Variants in ARHGAP6 observed in about 807,000 individuals in gnomAD.
ARHGAP6 encodes the protein rho GTPase-activating protein 6.
In ARHGAP6, 16 loss-of-function variants were observed where a neutral mutation model predicts 55.7. The ratio of observed to expected loss-of-function variants is 0.29; its 90% CI spans 0.19 to 0.44. The LOEUF (loss-of-function observed/expected upper bound fraction) is 0.44, where lower values mean the gene tolerates loss of function less well. Ranked by LOEUF, ARHGAP6 falls within the 20% of genes least tolerant of loss-of-function variation. The pLI is 1.00. For synonymous variants in ARHGAP6, 382 were observed against 360.9 expected, an observed-to-expected ratio of 1.06 and a Z score of -0.66; for missense variants, 698 against 808.9, an observed-to-expected ratio of 0.86 and a Z score of 1.66.
At chrX:11,239,122 C>T (rs1013475951) in intron 2 of ARHGAP6, among the ~76,000 whole-genome samples, 2 of 110,759 alleles carry the variant, frequency 1.8e-5, no homozygotes, top group Non-Finnish European at 3.8e-5. Flanking sequence ...CAAGGTAATA[C>T]ATTTATGGTA....
rs201712958 is a variant in ARHGAP6, at chrX:11,208,053, CAT to C, written c.749-11059_749-11058del. On this transcript the variant is annotated intron_variant, in intron 2 of 12. Coordinates refer to ENST00000337414, the MANE Select transcript of ARHGAP6 (RefSeq NM_013427.3). The stretch of plus-strand genomic sequence containing the variant: ...TTAAGTACTGAATAATTGAAAGAAA[CAT>C]GTGTTGTTGCAGGTTGTTGAGAAAC... Among the ~76,000 whole-genome samples the C allele has an allele frequency of 5.4e-3, 602 of 111,961 alleles. 13 individuals are homozygous for C. The highest frequency in any genetic ancestry group is 0.018 in the African/African-American group (561 of 30,805).
intron 1 of ARHGAP6, among the ~76,000 whole-genome samples, chrX:11,434,538 C>A (rs1013305886): frequency 9.0e-6 from 1 of 110,880 alleles, no homozygotes; most frequent in Non-Finnish European, 1.9e-5. Context: ...CCTAAAAAAA[C>A]CACTTTTATA....
intron 1 of ARHGAP6, among the ~76,000 whole-genome samples, chrX:11,445,615 A>G (rs147369523): frequency 3.1e-4 from 35 of 112,144 alleles, no homozygotes; most frequent in African/African-American, 1.0e-3. Flanking sequence ...AATGATATCA[A>G]ATCTGGAACT....
intron 1 of ARHGAP6, among the ~76,000 whole-genome samples, chrX:11,624,570 CT>C (rs1169850882): frequency 8.9e-6 from 1 of 112,545 alleles, no homozygotes; most frequent in East Asian, 2.8e-4. Context: ...ATCTGAATTT[CT>C]TTTTTTCTTT....
chrX:11,285,357 T>C (rs997310154), intron 1 of ARHGAP6, among the ~76,000 whole-genome samples: 3 of 111,476 alleles, frequency 2.7e-5, no homozygotes, highest in African/African-American at 9.8e-5. Flanking sequence ...TATTTTAAAA[T>C]AAATGTAAGT....
At chrX:11,511,205 T>C in intron 1 of ARHGAP6, among the ~76,000 whole-genome samples, 1 of 112,423 alleles carries the variant, frequency 8.9e-6, no homozygotes, top group Middle Eastern at 4.6e-3. Context: ...CCTGCTATTG[T>C]ATCATATTGC....
intron 1 of ARHGAP6, among the ~76,000 whole-genome samples, chrX:11,615,108 T>C (rs758476906): frequency 1.8e-5 from 2 of 111,146 alleles, no homozygotes; most frequent in Non-Finnish European, 3.8e-5. Flanking sequence ...AGGGAGACTA[T>C]ACTCCTATGT....
chrX:11,485,996 G>T (rs1171237312), intron 1 of ARHGAP6, among the ~76,000 whole-genome samples: 1 of 112,108 alleles, frequency 8.9e-6, no homozygotes, highest in Non-Finnish European at 1.9e-5. Flanking sequence ...AGAAACAGAA[G>T]CTGATTTTGA....
At chrX:11,305,584 G>C (rs2147589598) in intron 1 of ARHGAP6, among the ~76,000 whole-genome samples, 1 of 111,725 alleles carries the variant, frequency 9.0e-6, no homozygotes, top group South Asian at 3.8e-4. Context: ...ACCTCTGAAA[G>C]TGATTGTGTC....
chrX:11,482,618 A>G (rs1029462406), intron 1 of ARHGAP6, among the ~76,000 whole-genome samples: 1 of 111,240 alleles, frequency 9.0e-6, no homozygotes, highest in African/African-American at 3.3e-5. Flanking sequence ...GCTGGTCTGG[A>G]CTGTCATGGA....
intron 2 of ARHGAP6, among the ~76,000 whole-genome samples, chrX:11,247,357 C>A (rs769558404): frequency 1.8e-5 from 2 of 112,474 alleles, no homozygotes; most frequent in Non-Finnish European, 3.8e-5. Context: ...TAGAACCATT[C>A]AACTGTAAAT....
At chrX:11,552,599 T>TATATATATAC (rs1491079107) in intron 1 of ARHGAP6, among the ~76,000 whole-genome samples, 5 of 48,225 alleles carry the variant, frequency 1.0e-4, no homozygotes, top group African/African-American at 2.7e-4. Context: ...TATATATATA[T>TATATATATAC]AGACACACAC....
intron 1 of ARHGAP6, among the ~76,000 whole-genome samples, chrX:11,564,498 T>C (rs1213934650): frequency 9.0e-6 from 1 of 110,977 alleles, no homozygotes; most frequent in African/African-American, 3.3e-5. Context: ...GGTTTTATAA[T>C]ATATTCTTGA....
intron 1 of ARHGAP6, among the ~76,000 whole-genome samples, chrX:11,504,277 T>C (rs1407040198): frequency 2.7e-5 from 3 of 111,998 alleles, no homozygotes; most frequent in African/African-American, 6.5e-5. Context: ...AGAGTACATA[T>C]CTTAAATTAG....
At chrX:11,618,846 T>C (rs2147161929) in intron 1 of ARHGAP6, among the ~76,000 whole-genome samples, 1 of 111,656 alleles carries the variant, frequency 9.0e-6, no homozygotes, top group African/African-American at 3.2e-5. Flanking sequence ...GCCACCTAAG[T>C]GGAAGGAGGA....
chrX:11,138,513 T>C lies in ARHGAP6; in HGVS notation c.*350A>G. On this transcript the variant is annotated 3_prime_UTR_variant, in exon 13 of 13. Coordinates refer to ENST00000337414, the MANE Select transcript of ARHGAP6 (RefSeq NM_013427.3). ...ATATCATATATGATTATACATAATC[T>C]GTTACAGAATACACAATAGTCAAAA... 1 of 232,206 alleles carries C rather than the reference T, an allele frequency of 4.3e-6. No individual in the cohort carries two copies. The highest frequency in any genetic ancestry group is 2.9e-5 in the African/African-American group (1 of 34,576). The allele number at this position is 232,206 out of a possible 1,213,427, so 19.1% of individuals were successfully genotyped here.
At chrX:11,591,927 T>A (rs1240020125) in intron 1 of ARHGAP6, among the ~76,000 whole-genome samples, 1 of 112,051 alleles carries the variant, frequency 8.9e-6, no homozygotes. Flanking sequence ...CTGTTCTTTT[T>A]TTACACTTCA....
chrX:11,554,304 G>A (rs182670855), intron 1 of ARHGAP6, among the ~76,000 whole-genome samples: 63 of 111,949 alleles, frequency 5.6e-4, no homozygotes, highest in Admixed American at 9.5e-4. Context: ...TGTGGGTGGA[G>A]GTGAGATGAA....
At chrX:11,255,550 T>C (rs1339122936) in intron 1 of ARHGAP6, among the ~76,000 whole-genome samples, 2 of 111,258 alleles carry the variant, frequency 1.8e-5, no homozygotes. Flanking sequence ...CCCCAAATCA[T>C]AAAACTTATA....
Sources: gnomAD v4.1 joint callset for allele counts (sites outside exome capture counted in the v4.1 genomes callset) on GRCh38, gnomAD v4.1.1 for gene constraint, MANE v1.5 for transcripts, NCBI Gene and HGNC (gene_info 2026-07-23, HGNC 2026-07-21) for gene names.